Variants in DAB1 observed in about 807,000 individuals in gnomAD.
DAB1 encodes the protein disabled homolog 1.
In DAB1, 15 loss-of-function variants were observed where a neutral mutation model predicts 64.6. The observed-to-expected ratio is 0.23, with a 90% CI of 0.16 to 0.36. The LOEUF is 0.36. Ranked by LOEUF, DAB1 falls within the 10% of genes least tolerant of loss-of-function variation. The pLI is 1.00. For synonymous variants in DAB1, 235 were observed against 251.9 expected (o/e 0.93, Z 0.64); for missense variants, 596 against 706.7 (o/e 0.84, Z 1.78).
intron 7 of DAB1, among the ~76,000 whole-genome samples, chr1:57,593,101 CTCT>C (rs1272602512): frequency 3.9e-5 from 6 of 152,232 alleles, no homozygotes; most frequent in Non-Finnish European, 5.9e-5. Context: ...ATCCACAGCA[CTCT>C]TCTTATCTTG....
At chr1:57,630,639 C>T (rs1008761936) in intron 7 of DAB1, among the ~76,000 whole-genome samples, 4 of 152,140 alleles carry the variant, frequency 2.6e-5, no homozygotes, top group Non-Finnish European at 4.4e-5. Flanking sequence ...CTTAACTGAG[C>T]ACCATTTAAT....
chr1:58,329,717 C>T (rs535177072), intron 4 of DAB1, among the ~76,000 whole-genome samples: 8 of 152,218 alleles, frequency 5.3e-5, no homozygotes, highest in African/African-American at 1.9e-4. Context: ...AATTTTTCAT[C>T]ATTATTTTAT....
intron 3 of DAB1, among the ~76,000 whole-genome samples, chr1:58,410,552 T>C (rs982544999): frequency 6.6e-6 from 1 of 152,190 alleles, no homozygotes; most frequent in Admixed American, 6.5e-5. Context: ...CCAGCATGAA[T>C]AGGCTGGAAA....
chr1:57,705,143 A>C (rs1646952406), intron 6 of DAB1, among the ~76,000 whole-genome samples: 1 of 152,200 alleles, frequency 6.6e-6, no homozygotes, highest in Non-Finnish European at 1.5e-5. Flanking sequence ...TAATGAATCT[A>C]CTGAATAAAT....
intron 4 of DAB1, among the ~76,000 whole-genome samples, chr1:58,170,790 T>C (rs1656125914): frequency 6.6e-6 from 1 of 151,940 alleles, no homozygotes; most frequent in Non-Finnish European, 1.5e-5. Flanking sequence ...GAGCACAGTG[T>C]CTCTGGGCCA....
At chr1:57,637,634 C>T (rs1183360849) in intron 7 of DAB1, among the ~76,000 whole-genome samples, 1 of 151,998 alleles carries the variant, frequency 6.6e-6, no homozygotes, top group African/African-American at 2.4e-5. Flanking sequence ...TAGACAAGGG[C>T]CAGGGTATGA....
intron 5 of DAB1, among the ~76,000 whole-genome samples, chr1:58,127,951 T>A (rs1421184410): frequency 6.6e-6 from 1 of 152,206 alleles, no homozygotes; most frequent in African/African-American, 2.4e-5. Flanking sequence ...GGCTCTTTTT[T>A]GGTTCCATAT....
At chr1:57,772,461 T>C (rs1649603824) in intron 6 of DAB1, among the ~76,000 whole-genome samples, 1 of 152,190 alleles carries the variant, frequency 6.6e-6, no homozygotes, top group Non-Finnish European at 1.5e-5. Context: ...ATTTTGGTTA[T>C]TGTGAATAAA....
chr1:57,680,817 T>G (rs1646627437), intron 6 of DAB1, among the ~76,000 whole-genome samples: 1 of 152,326 alleles, frequency 6.6e-6, no homozygotes, highest in South Asian at 2.1e-4. Context: ...ACAGCAAGTC[T>G]TATACTGAAA....
intron 1 of DAB1, among the ~76,000 whole-genome samples, chr1:57,844,513 C>A (rs1237551383): frequency 6.6e-6 from 1 of 152,144 alleles, no homozygotes; most frequent in Non-Finnish European, 1.5e-5. Flanking sequence ...AGATTGGGTC[C>A]AGAGAAGCAG....
At chr1:57,715,860 C>G (rs1004776813) in intron 6 of DAB1, among the ~76,000 whole-genome samples, 2 of 152,116 alleles carry the variant, frequency 1.3e-5, no homozygotes, top group African/African-American at 4.8e-5. Flanking sequence ...TCCATATTAC[C>G]CAAATCAATC....
intron 5 of DAB1, among the ~76,000 whole-genome samples, chr1:58,031,924 G>C (rs1025538566): frequency 2.7e-5 from 4 of 150,826 alleles, no homozygotes; most frequent in African/African-American, 9.8e-5. Flanking sequence ...TCCTAAGGTT[G>C]AAATTGTAAA....
rs79760580 is a variant in DAB1, at chr1:58,066,797, C to T, written n.387+83714G>A. Reference sequence around the variant, plus strand: ...CTTGCTCCTCAGATACCATGAGACACTGGAATCACTTCTTTTTTGCCTGTC... The same window carrying T: ...CTTGCTCCTCAGATACCATGAGACATTGGAATCACTTCTTTTTTGCCTGTC... On this transcript the variant is annotated intron_variant and non_coding_transcript_variant, in intron 5 of 20. Transcript: ENST00000485760. Among the ~76,000 whole-genome samples the T allele has an allele frequency of 2.6e-3, 398 of 152,282 alleles. 4 individuals carry two copies. Among genetic ancestry groups the T allele is most frequent in the African/African-American group, 9.1e-3 (377 of 41,560 alleles).
chr1:57,374,746 T>G (rs1680764857), intron 1 of DAB1, among the ~76,000 whole-genome samples: 1 of 152,150 alleles, frequency 6.6e-6, no homozygotes, highest in South Asian at 2.1e-4. Flanking sequence ...TTTTATAAAA[T>G]ACCTGGGTAG....
At chr1:57,633,639 A>G (rs1646017709) in intron 7 of DAB1, among the ~76,000 whole-genome samples, 1 of 152,134 alleles carries the variant, frequency 6.6e-6, no homozygotes. Context: ...CAGCCCAACA[A>G]TCTCTACTTT....
chr1:58,536,707 T>C (rs2100488341), intron 1 of DAB1: 1 of 872,772 alleles, frequency 1.1e-6, no homozygotes, highest in East Asian at 2.4e-5. Context: ...TCCTTCTTGT[T>C]AGGAGGAAGT....
chr1:57,223,648 T>C (rs905481153), intron 2 of DAB1, among the ~76,000 whole-genome samples: 6 of 152,330 alleles, frequency 3.9e-5, no homozygotes, highest in Middle Eastern at 3.4e-3. Flanking sequence ...AGGAAGATGC[T>C]GTACGAACAC....
chr1:58,145,867 T>G (rs541609095), intron 5 of DAB1, among the ~76,000 whole-genome samples: 19 of 152,358 alleles, frequency 1.2e-4, no homozygotes, highest in African/African-American at 4.1e-4. Context: ...GGGTTTGAAC[T>G]GCATGGTTCC....
intron 2 of DAB1, among the ~76,000 whole-genome samples, chr1:57,221,021 G>A (rs1283326927): frequency 1.3e-5 from 2 of 152,196 alleles, no homozygotes; most frequent in African/African-American, 4.8e-5. Flanking sequence ...TGATAGACTG[G>A]ATTAAGAAAA....
Sources: gnomAD v4.1 joint callset for allele counts (sites outside exome capture counted in the v4.1 genomes callset) on GRCh38, gnomAD v4.1.1 for gene constraint, MANE v1.5 for transcripts, NCBI Gene and HGNC (gene_info 2026-07-23, HGNC 2026-07-21) for gene names.